The following SPOCK1 variants were observed in gnomAD, a reference collection of about 807,000 sequenced individuals.
SPOCK1 encodes the protein SPARC (osteonectin), cwcv and kazal like domains proteoglycan 1, also known as testican-1.
Under a neutral mutation model 55.3 loss-of-function variants are expected in SPOCK1, and 23 were observed. The observed-to-expected ratio is 0.42, with a 90% CI of 0.30 to 0.59. The LOEUF is 0.59. Among genes scored for constraint, SPOCK1 ranks in the 20% least tolerant of loss-of-function variants. The pLI, the probability that SPOCK1 is intolerant of heterozygous loss-of-function variation, is 0.22. For missense variants in SPOCK1, 499 were observed against 552.5 expected (o/e 0.90, Z 0.97); for synonymous variants, 226 against 221.0 (o/e 1.02, Z -0.20).
At chr5:137,042,703 CAA>C (rs1752023007) in intron 6 of SPOCK1, among the ~76,000 whole-genome samples, 1 of 152,018 alleles carries the variant, frequency 6.6e-6, no homozygotes. Context: ...TGGTGGGAGC[CAA>C]GTTTCCTACT....
At chr5:137,139,277 G>T (rs138416538) in intron 4 of SPOCK1, among the ~76,000 whole-genome samples, 1 of 152,156 alleles carries the variant, frequency 6.6e-6, no homozygotes. Flanking sequence ...TGTTGCAGGT[G>T]CCAGGCTTAG....
At chr5:137,468,627 C>A (rs1753670425) in intron 2 of SPOCK1, among the ~76,000 whole-genome samples, 1 of 152,146 alleles carries the variant, frequency 6.6e-6, no homozygotes, top group African/African-American at 2.4e-5. Flanking sequence ...CTGTCAGTAG[C>A]CAATACATAC....
At position 137,150,686 on chromosome 5, in the gene SPOCK1, G is replaced by T. The variant is rs537424254; in HGVS notation, c.233-9992C>A. ...TGGGCAGGCAGGGCTCAGCAAGGCAGGTGTGGTGTATAAGGTTGGGGCTTT... is the reference window on the plus strand; with the variant it reads ...TGGGCAGGCAGGGCTCAGCAAGGCATGTGTGGTGTATAAGGTTGGGGCTTT... On this transcript the variant is annotated intron_variant, in intron 3 of 10. Coordinates refer to ENST00000394945, the MANE Select transcript of SPOCK1 (RefSeq NM_004598.4). Among the ~76,000 whole-genome samples, 37 of 152,220 alleles carry T rather than the reference G, an allele frequency of 2.4e-4. No individual in the cohort carries two copies. In the South Asian group the frequency reaches 7.0e-3, roughly 29 times the overall value.
At chr5:137,311,605 T>C (rs868549193) in intron 2 of SPOCK1, among the ~76,000 whole-genome samples, 2 of 152,240 alleles carry the variant, frequency 1.3e-5, no homozygotes, top group Admixed American at 6.5e-5. Flanking sequence ...TTCAGTCTAA[T>C]CTTTACACAC....
intron 6 of SPOCK1, among the ~76,000 whole-genome samples, chr5:137,044,435 A>G (rs921679196): frequency 7.2e-5 from 11 of 152,218 alleles, no homozygotes; most frequent in African/African-American, 1.9e-4. Flanking sequence ...TTAAACGCCC[A>G]GGTGGAAGAG....
chr5:137,213,955 G>A (rs1028064098), intron 3 of SPOCK1, among the ~76,000 whole-genome samples: 6 of 152,166 alleles, frequency 3.9e-5, no homozygotes, highest in South Asian at 2.1e-4. Context: ...GCATCTGTTC[G>A]TGTCTGCATT....
intron 3 of SPOCK1, among the ~76,000 whole-genome samples, chr5:137,143,643 C>G (rs774362501): frequency 6.6e-6 from 1 of 152,136 alleles, no homozygotes; most frequent in Non-Finnish European, 1.5e-5. Context: ...TGCTAAGCAC[C>G]TCATATGTGT....
chr5:137,162,960 G>A (rs1285777960), intron 3 of SPOCK1, among the ~76,000 whole-genome samples: 2 of 152,210 alleles, frequency 1.3e-5, no homozygotes, highest in Non-Finnish European at 2.9e-5. Flanking sequence ...ATTTGGGAAT[G>A]GAGAAGCAGA....
intron 6 of SPOCK1, among the ~76,000 whole-genome samples, chr5:137,058,765 C>T (rs1483404357): frequency 2.0e-5 from 3 of 152,070 alleles, no homozygotes; most frequent in Non-Finnish European, 4.4e-5. Context: ...GACGGAGTGG[C>T]CCCATGGATG....
At position 136,992,609 on chromosome 5, in the gene SPOCK1, A is replaced by G. The variant is rs763261014; in HGVS notation, c.590-9T>C. ...CTCCTTGTCTGTGCAGGCTAGAGAA[A>G]AGCAAACAGAACAGACAATGGGGCT... On this transcript the variant is annotated splice_polypyrimidine_tract_variant and intron_variant, in intron 6 of 10. Coordinates refer to ENST00000394945, the MANE Select transcript of SPOCK1 (RefSeq NM_004598.4). 6.2e-7 allele frequency: 1 copy of G among 1,606,982 alleles called. No homozygotes were observed. The highest frequency in any genetic ancestry group is 1.1e-5 in the South Asian group (1 of 90,098).
chr5:137,109,717 G>C (rs1017347968), intron 5 of SPOCK1, among the ~76,000 whole-genome samples: 3 of 151,968 alleles, frequency 2.0e-5, no homozygotes, highest in African/African-American at 7.3e-5. Flanking sequence ...ACCTCACACT[G>C]ACTTACTGCA....
intron 3 of SPOCK1, among the ~76,000 whole-genome samples, chr5:137,238,290 C>T (rs542687494): frequency 2.6e-5 from 4 of 152,190 alleles, no homozygotes; most frequent in African/African-American, 7.2e-5. Context: ...GAGACAAACC[C>T]TATTTTCAGT....
At chr5:137,015,576 G>C (rs141249830) in intron 6 of SPOCK1, among the ~76,000 whole-genome samples, 250 of 152,322 alleles carry the variant, frequency 1.6e-3, no homozygotes, top group African/African-American at 5.3e-3. Context: ...AGGAATCTGG[G>C]AAGCACAGTC....
At chr5:137,112,837 A>C (rs1490176416) in intron 4 of SPOCK1, among the ~76,000 whole-genome samples, 1 of 135,464 alleles carries the variant, frequency 7.4e-6, no homozygotes, top group Non-Finnish European at 1.6e-5. Flanking sequence ...TTTTTACAAC[A>C]CACAGAAAAA....
At position 137,192,104 on chromosome 5, in the gene SPOCK1, G is replaced by A. The variant is rs144737365; in HGVS notation, c.233-51410C>T. Among the ~76,000 whole-genome samples, 799 of 151,658 alleles carry A rather than the reference G, an allele frequency of 5.3e-3. 14 individuals are homozygous for A. In the East Asian group the frequency reaches 0.053, roughly 10 times the overall value. On this transcript the variant is annotated intron_variant, in intron 3 of 10. Coordinates refer to ENST00000394945, the MANE Select transcript of SPOCK1 (RefSeq NM_004598.4). ...CAAAAAAAAATTAGCTGGGCGTGGC[G>A]GCGTGCACCTGTAGTCCCAGCTACT...
intron 6 of SPOCK1, among the ~76,000 whole-genome samples, chr5:137,044,583 G>A (rs1482760501): frequency 6.6e-6 from 1 of 152,066 alleles, no homozygotes; most frequent in African/African-American, 2.4e-5. Flanking sequence ...CTATTACATG[G>A]AAACATACAT....
intron 3 of SPOCK1, among the ~76,000 whole-genome samples, chr5:137,145,148 C>A (rs1295905019): frequency 6.6e-6 from 1 of 152,104 alleles, no homozygotes; most frequent in Admixed American, 6.5e-5. Flanking sequence ...TTCAAAATGA[C>A]TTTTTACAGA....
intron 3 of SPOCK1, among the ~76,000 whole-genome samples, chr5:137,177,533 A>G (rs1160474664): frequency 5.3e-5 from 8 of 152,160 alleles, no homozygotes; most frequent in Admixed American, 2.0e-4. Context: ...CGTGGCAAAG[A>G]GAAGATCAGA....
At chr5:137,423,753 T>C (rs1561532191) in intron 2 of SPOCK1, among the ~76,000 whole-genome samples, 2 of 152,230 alleles carry the variant, frequency 1.3e-5, no homozygotes, top group South Asian at 2.1e-4. Flanking sequence ...TGCCTCGCCC[T>C]GCTTCAGCTC....
Sources: gnomAD v4.1 joint callset for allele counts (sites outside exome capture counted in the v4.1 genomes callset) on GRCh38, gnomAD v4.1.1 for gene constraint, MANE v1.5 for transcripts, NCBI Gene and HGNC (gene_info 2026-07-23, HGNC 2026-07-21) for gene names.